Variants in ST8SIA5 observed in about 807,000 individuals in gnomAD.
The protein encoded by ST8SIA5 is alpha-2,8-sialyltransferase 8E.
Under a neutral mutation model 40.2 loss-of-function variants are expected in ST8SIA5, and 24 were observed. The ratio of observed to expected loss-of-function variants is 0.60; its 90% confidence interval spans 0.43 to 0.84. The LOEUF is 0.84. Ranked by LOEUF, ST8SIA5 falls within the 40% of genes least tolerant of loss-of-function variation. The pLI is 0.00. For missense variants in ST8SIA5, 465 were observed against 498.5 expected, an observed-to-expected ratio of 0.93 and a Z score of 0.64; for synonymous variants, 198 against 201.8, an observed-to-expected ratio of 0.98 and a Z score of 0.16.
intron 1 of ST8SIA5, among the ~76,000 whole-genome samples, chr18:46,717,661 G>A (rs1161626080): frequency 6.6e-6 from 1 of 152,076 alleles, no homozygotes; most frequent in Non-Finnish European, 1.5e-5. Flanking sequence ...GGCAATTCCA[G>A]CCTGTGAATG....
chr18:46,723,056 T>C (rs2039879068), intron 1 of ST8SIA5: 1 of 152,700 alleles, frequency 6.5e-6, no homozygotes, highest in Admixed American at 6.5e-5. Context: ...CCGAGGACCA[T>C]GGGTCCATGC....
intron 1 of ST8SIA5, among the ~76,000 whole-genome samples, chr18:46,749,913 C>T (rs551702788): frequency 5.1e-4 from 77 of 152,262 alleles, no homozygotes; most frequent in African/African-American, 1.5e-3. Flanking sequence ...AGAGACTTAG[C>T]TACCTCTCTT....
chr18:46,687,389 A>C (rs1458373184), intron 4 of ST8SIA5, among the ~76,000 whole-genome samples: 1 of 152,224 alleles, frequency 6.6e-6, no homozygotes, highest in African/African-American at 2.4e-5. Flanking sequence ...ACCGCCTGGC[A>C]CTTTCTGGAG....
chr18:46,693,055 C>A (rs2039523438), intron 2 of ST8SIA5, among the ~76,000 whole-genome samples: 1 of 152,154 alleles, frequency 6.6e-6, no homozygotes, highest in Non-Finnish European at 1.5e-5. Flanking sequence ...ACTGCTGCCT[C>A]CTGACCGGCC....
chr18:46,741,607 C>G (rs2040087036), intron 1 of ST8SIA5, among the ~76,000 whole-genome samples: 1 of 152,118 alleles, frequency 6.6e-6, no homozygotes, highest in South Asian at 2.1e-4. Context: ...AGAAACAGAA[C>G]AGATCATCCT....
intron 5 of ST8SIA5, among the ~76,000 whole-genome samples, chr18:46,683,131 T>C (rs1375491862): frequency 6.6e-6 from 1 of 152,154 alleles, no homozygotes; most frequent in African/African-American, 2.4e-5. Context: ...AAAACAATTT[T>C]TAACAATGAG....
intron 1 of ST8SIA5, among the ~76,000 whole-genome samples, chr18:46,726,299 AGGAACTG>A (rs2039929291): frequency 6.6e-6 from 1 of 152,050 alleles, no homozygotes; most frequent in Non-Finnish European, 1.5e-5. Flanking sequence ...ACTATGCATT[AGGAACTG>A]GTAGTTGCTG....
chr18:46,714,599 A>C (rs564697197), intron 1 of ST8SIA5, among the ~76,000 whole-genome samples: 20 of 152,108 alleles, frequency 1.3e-4, no homozygotes, highest in Non-Finnish European at 2.6e-4. Context: ...AGGCCCAGGG[A>C]GGGAGTGCTA....
rs2039351176 is a variant in ST8SIA5 at position 46,677,961 on chromosome 18, A to G, written c.*2081T>C. On this transcript the variant is annotated 3_prime_UTR_variant, in exon 7 of 7. Coordinates refer to ENST00000315087, the MANE Select transcript of ST8SIA5 (RefSeq NM_013305.6). ...CTAAAGTGGAACAAAATGGTCTTTA[A>G]GAACCTTCTAGTTTTTATATTCCAT... 1 of 152,252 alleles carries G rather than the reference A, an allele frequency of 6.6e-6. No individual in the cohort carries two copies. Among genetic ancestry groups the G allele is most frequent in the African/African-American group, 2.4e-5 (1 of 41,466 alleles). 9.4% of individuals were successfully genotyped at this position (152,252 alleles called of 1,614,324 possible). A position where few individuals can be genotyped will look rare whatever the true frequency, so the allele number is the denominator to read the frequency against.
chr18:46,721,730 A>C (rs1365569262), intron 1 of ST8SIA5, among the ~76,000 whole-genome samples: 1 of 152,216 alleles, frequency 6.6e-6, no homozygotes, highest in Non-Finnish European at 1.5e-5. Flanking sequence ...ACACAGGGAC[A>C]TTGCGACTTT....
Position 46,724,338 on chromosome 18 carries a change from G to A in ST8SIA5, c.132-19674C>T, listed in dbSNP as rs2039893097. Among the ~76,000 whole-genome samples, 3 of 152,364 alleles carry A rather than the reference G, an allele frequency of 2.0e-5. No individual in the cohort carries two copies. The South Asian group carries it at 6.2e-4, about 32-fold the overall frequency. ...TCCAGCGATGCTTTGCTGAGTAACAGTAGACCCTGTTCTCATACTCTCCAG... is the reference window on the plus strand; with the variant it reads ...TCCAGCGATGCTTTGCTGAGTAACAATAGACCCTGTTCTCATACTCTCCAG... On this transcript the variant is annotated intron_variant, in intron 1 of 6. Transcript: ENST00000315087.
rs1418081303 is a variant in ST8SIA5 at position 46,704,627 on chromosome 18, A to C, written c.169T>G (p.Ser57Ala). 7.4e-6 allele frequency: 12 copies of C among 1,613,646 alleles called. No individual in the cohort carries two copies. Among genetic ancestry groups the C allele is most frequent in the African/African-American group, 4.0e-5 (3 of 74,776 alleles). The change falls in exon 2 of 7, where the codon TCC becomes GCC. Residue 57 changes from serine to alanine, a missense_variant. Coordinates refer to ENST00000315087, the MANE Select transcript of ST8SIA5 (RefSeq NM_013305.6). ...EFYEGPFEYN[S>A]TRCLELRHEI... is the part of the protein sequence containing the mutation. ...TGCCTCAGCTCCAGGCATCTTGTGGAGTTATATTCAAAAGGCCCCTCATAA... is the reference window on the plus strand; with the variant it reads ...TGCCTCAGCTCCAGGCATCTTGTGGCGTTATATTCAAAAGGCCCCTCATAA...
intron 1 of ST8SIA5, among the ~76,000 whole-genome samples, chr18:46,708,556 A>G (rs538000816): frequency 1.3e-4 from 20 of 152,106 alleles, no homozygotes; most frequent in Non-Finnish European, 2.8e-4. Flanking sequence ...CCATGCCCCT[A>G]TCAGGCTCCC....
intron 1 of ST8SIA5, 82 bp from the exon 2 acceptor site, chr18:46,704,746 G>C (rs2144501212): frequency 8.6e-7 from 1 of 1,165,082 alleles, no homozygotes; most frequent in South Asian, 1.2e-5. Context: ...GCAGGGTGGA[G>C]TGTCTGTCCC....
In ST8SIA5 at chr18:46,684,129, T is replaced by C. The variant is rs1853848025; in HGVS notation, c.569+2045A>G. Among the ~76,000 whole-genome samples the C allele has an allele frequency of 5.3e-5, 8 of 152,182 alleles. No individual in the cohort carries two copies. In the South Asian group the frequency reaches 1.7e-3, roughly 32 times the overall value. ...GAAGGGCCCACAGCATCTCCAAAAG[T>C]AGCACAAACAACTGTGTGCTCTCAC... is the stretch of plus-strand genomic sequence containing the variant. On this transcript the variant is annotated intron_variant, in intron 5 of 6. Coordinates refer to ENST00000315087, the MANE Select transcript of ST8SIA5 (RefSeq NM_013305.6).
At chr18:46,725,533 G>A (rs940603211) in intron 1 of ST8SIA5, among the ~76,000 whole-genome samples, 3 of 147,142 alleles carry the variant, frequency 2.0e-5, no homozygotes, top group Non-Finnish European at 4.4e-5. Flanking sequence ...TTATTAAATG[G>A]CACGGGTGGG....
chr18:46,710,938 A>AG (rs1026053519), intron 1 of ST8SIA5, among the ~76,000 whole-genome samples: 14 of 152,066 alleles, frequency 9.2e-5, no homozygotes, highest in Admixed American at 6.5e-4. Flanking sequence ...ATAGAAGCCC[A>AG]GGGGGGTCCC....
At chr18:46,720,283 T>A (rs185764627) in intron 1 of ST8SIA5, among the ~76,000 whole-genome samples, 1 of 152,140 alleles carries the variant, frequency 6.6e-6, no homozygotes, top group Non-Finnish European at 1.5e-5. Flanking sequence ...GAGGCTCAGC[T>A]TCCCAGGACA....
Position 46,668,469 on chromosome 18 carries a change from T to G in ST8SIA5, c.*11573A>C, listed in dbSNP as rs1470132283. ...GCACCTGGCTCCAGGGCAAAAGGTT[T>G]CCACAGCTCCCATGCTGACTCCAGC... On this transcript the variant is annotated 3_prime_UTR_variant, in exon 7 of 7. Coordinates refer to ENST00000315087, the MANE Select transcript of ST8SIA5 (RefSeq NM_013305.6). 1 of 152,638 alleles carries G rather than the reference T, an allele frequency of 6.6e-6. No homozygotes were observed. The highest frequency in any genetic ancestry group is 2.4e-5 in the African/African-American group (1 of 41,446). 9.5% of individuals were successfully genotyped at this position (152,638 alleles called of 1,614,324 possible).
Sources: gnomAD v4.1 joint callset for allele counts (sites outside exome capture counted in the v4.1 genomes callset) on GRCh38, gnomAD v4.1.1 for gene constraint, MANE v1.5 for transcripts, NCBI Gene and HGNC (gene_info 2026-07-23, HGNC 2026-07-21) for gene names.